ZFP36L1: variants seen among roughly 807,000 people sequenced by gnomAD.
ZFP36L1 encodes the protein ZFP36 like 1 zinc finger CCCH-type, also known as mRNA decay activator protein ZFP36L1.
Under a neutral mutation model 16.7 loss-of-function variants are expected in ZFP36L1, and 4 were observed. The ratio of observed to expected loss-of-function variants is 0.24; its 90% confidence interval spans 0.12 to 0.55. The LOEUF (loss-of-function observed/expected upper bound fraction) is 0.55, where lower values mean the gene tolerates loss of function less well. Among genes scored for constraint, ZFP36L1 ranks in the 20% least tolerant of loss-of-function variants. The probability of loss-of-function intolerance (pLI) is 0.94; values close to 1 mark genes in which losing one functional copy is unlikely to be tolerated. For synonymous variants in ZFP36L1, 220 were observed against 190.8 expected, an observed-to-expected ratio of 1.15 and a Z score of -1.26; for missense variants, 311 against 449.2, an observed-to-expected ratio of 0.69 and a Z score of 2.78.
In ZFP36L1 at chr14:68,789,822, A is replaced by G. The variant is rs928821903; in HGVS notation, c.728T>C (p.Leu243Pro). Residue 243 changes from leucine (L) to proline (P), a missense_variant, in exon 2 of 2, where the codon CTG (leucine) becomes CCG (proline). Coordinates refer to ENST00000439696, the MANE Select transcript of ZFP36L1 (RefSeq NM_004926.4). This position sits in a 1 kb window ranked among gnomAD's most constrained non-coding sequence, Gnocchi z 4.5. ...AAAAGGGTTATTGGTGCCATCGGGC[A>G]GGGTAGGTGAGCCCAGGAGGTCATC... is the stretch of plus-strand genomic sequence containing the variant. ...SADDLLGSPTLPDGTNNPFAF... is the reference protein window; with the variant it reads ...SADDLLGSPTPPDGTNNPFAF... The G allele has an allele frequency of 1.2e-6, 2 of 1,612,314 alleles. No individual in the cohort carries two copies. Among genetic ancestry groups the G allele is most frequent in the Non-Finnish European group, 8.5e-7 (1 of 1,179,982 alleles).
upstream of ZFP36L1, chr14:68,795,876 CG>C (rs1895239687): frequency 1.5e-6 from 1 of 648,334 alleles, no homozygotes; most frequent in African/African-American, 1.8e-5. Flanking sequence ...GCGTCCCCGC[CG>C]CGGTGAGGGC....
chr14:68,790,928 C>G, intron 1 of ZFP36L1: 1 of 587,916 alleles, frequency 1.7e-6, no homozygotes, highest in South Asian at 1.9e-5. Flanking sequence ...TCATAGGCTA[C>G]GTTAGGTCCC....
rs890180544 is a variant in ZFP36L1 at position 68,788,407 on chromosome 14, A to T, written c.*1126T>A. On this transcript the variant is annotated 3_prime_UTR_variant, in exon 2 of 2. Coordinates refer to ENST00000439696, the MANE Select transcript of ZFP36L1 (RefSeq NM_004926.4). ...ATATTGATGTGCAGTGACAAGCAAA[A>T]TTTTTGCTCTCCAATTTCTGAAAGT... 6.5e-6 allele frequency: 1 copy of T among 152,688 alleles called. No homozygotes were observed. The highest frequency in any genetic ancestry group is 2.4e-5 in the African/African-American group (1 of 41,420). The allele number at this position is 152,688 out of a possible 1,614,324, so 9.5% of individuals were successfully genotyped here.
upstream of ZFP36L1, chr14:68,794,359 G>A (rs1446620414): frequency 6.6e-6 from 1 of 152,218 alleles, no homozygotes; most frequent in Non-Finnish European, 1.5e-5. Flanking sequence ...AAACCGAAGG[G>A]CCCGCAATGG....
rs1397791968 is a variant in ZFP36L1, at chr14:68,788,619, T to C, written c.*914A>G. The C allele has an allele frequency of 1.1e-5, 1 of 89,284 alleles. No homozygotes were observed. 5.5% of individuals were successfully genotyped at this position (89,284 alleles called of 1,614,324 possible). ...TTTTTTTTTTTAGCTTTTCTCTCAT[T>C]TTTTTTTTGTTGTTATTTTTTTTAA... On this transcript the variant is annotated 3_prime_UTR_variant, in exon 2 of 2. Transcript: ENST00000439696.
chr14:68,790,607 A>G, intron 1 of ZFP36L1, 115 bp from the exon 2 acceptor site: 1 of 1,421,334 alleles, frequency 7.0e-7, no homozygotes, highest in Non-Finnish European at 9.6e-7. Context: ...ACTCATCTCT[A>G]CCTCGGCTCT....
intron 1 of ZFP36L1, among the ~76,000 whole-genome samples, chr14:68,791,667 G>A (rs1594717550): frequency 1.3e-5 from 2 of 151,634 alleles, no homozygotes; most frequent in South Asian, 4.2e-4. Context: ...GGGGGAGGGG[G>A]GCCAAAGAAA....
At chr14:68,791,285 T>C (rs1010586828) in intron 1 of ZFP36L1, 10 of 531,030 alleles carry the variant, frequency 1.9e-5, no homozygotes, top group Non-Finnish European at 3.3e-5. Flanking sequence ...AGAGCTCCAG[T>C]GTTTAATCTT....
At chr14:68,791,796 T>G (rs1441711949) in intron 1 of ZFP36L1, among the ~76,000 whole-genome samples, 1 of 152,150 alleles carries the variant, frequency 6.6e-6, no homozygotes, top group East Asian at 1.9e-4. Flanking sequence ...GCTGAAAAAT[T>G]CAAACTTTTT....
chr14:68,792,522 C>G (rs1895115393), intron 1 of ZFP36L1, among the ~76,000 whole-genome samples: 1 of 152,164 alleles, frequency 6.6e-6, no homozygotes, highest in African/African-American at 2.4e-5. Context: ...AGACTGGGAA[C>G]CCGATCAGAC....
In ZFP36L1 at chr14:68,789,887, G is replaced by C. The variant is rs758405640; in HGVS notation, c.663C>G (p.Asp221Glu). The C allele has an allele frequency of 6.2e-7, 1 of 1,610,398 alleles. No individual in the cohort carries two copies. Among genetic ancestry groups the C allele is most frequent in the South Asian group, 1.1e-5 (1 of 91,084 alleles). Residue 221 changes from aspartate to glutamate, a missense_variant, in exon 2 of 2, where the codon GAC becomes GAG. Transcript: ENST00000439696. The surrounding 1 kb of genome is among the most constrained non-coding windows in gnomAD (Gnocchi z 4.5). Reference protein sequence around the residue: ...AATAAATGLLDSPTSITPPPI... With the variant: ...AATAAATGLLESPTSITPPPI... Reference sequence around the variant, plus strand: ...GGGGTGGGGTGATGGACGTGGGGCTGTCCAGCAGCCCGGTGGCAGCGGCGG... The same window carrying C: ...GGGGTGGGGTGATGGACGTGGGGCTCTCCAGCAGCCCGGTGGCAGCGGCGG...
rs1444543804 is a variant in ZFP36L1, at chr14:68,789,531, G to A, written c.*2C>T. On this transcript the variant is annotated 3_prime_UTR_variant, in exon 2 of 2. Coordinates refer to ENST00000439696, the MANE Select transcript of ZFP36L1 (RefSeq NM_004926.4). This position sits in a 1 kb window ranked among gnomAD's most constrained non-coding sequence, Gnocchi z 4.5. ...AGGCAGGAGGTCCCTCCCTACCCTG[G>A]CTTAGTCATCTGAGATGGAAAGTCT... 6.2e-7 allele frequency: 1 copy of A among 1,613,174 alleles called. No individual in the cohort carries two copies. Among genetic ancestry groups the A allele is most frequent in the African/African-American group, 1.3e-5 (1 of 74,862 alleles).
chr14:68,793,429 C>T, upstream of ZFP36L1: 1 of 996,404 alleles, frequency 1.0e-6, no homozygotes, highest in Non-Finnish European at 1.2e-6. Context: ...GAGGGGCGCG[C>T]CCCCTCCTTT....
chr14:68,794,053 C>T (rs913287707), upstream of ZFP36L1: 95 of 537,900 alleles, frequency 1.8e-4, no homozygotes, highest in Middle Eastern at 9.1e-4. Context: ...CTAATCCTTC[C>T]TGAATGCCCC....
At position 68,790,311 on chromosome 14, in the gene ZFP36L1, C is replaced by G. The variant is rs780636193; in HGVS notation, c.239G>C (p.Ser80Thr). Residue 80 changes from serine (S) to threonine (T), a missense_variant, in exon 2 of 2, where the codon AGC becomes ACC. By Grantham distance (58) the Ser-to-Thr change is moderately conservative (BLOSUM62 1). Coordinates refer to ENST00000439696, the MANE Select transcript of ZFP36L1 (RefSeq NM_004926.4). The stretch of plus-strand genomic sequence containing the variant: ...GTCTCGGAAGCGGCTGTCTCGCGAG[C>G]TCAGAGCGGGGGCTGGCTCACCCTT... ...SLKGEPAPAL[S>T]SRDSRFRDRS... is the part of the protein sequence containing the mutation. 1 of 1,610,006 alleles carries G rather than the reference C, an allele frequency of 6.2e-7. No individual in the cohort carries two copies. The highest frequency in any genetic ancestry group is 1.1e-5 in the South Asian group (1 of 91,042).
At chr14:68,793,444 G>A, upstream of ZFP36L1, 2 of 994,578 alleles carry the variant, frequency 2.0e-6, no homozygotes, top group Non-Finnish European at 2.4e-6. Context: ...TCCTTTGTCA[G>A]CCTCAGAGCG....
At position 68,790,112 on chromosome 14, in the gene ZFP36L1, G is replaced by A. The variant is rs1432720185; in HGVS notation, c.438C>T (p.Ser146=). 1.9e-6 allele frequency: 3 copies of A among 1,610,796 alleles called. No individual in the cohort carries two copies. Among genetic ancestry groups the A allele is most frequent in the African/African-American group, 1.3e-5 (1 of 74,842 alleles). Residue 146 remains serine, a synonymous_variant, in exon 2 of 2, where the codon AGC becomes AGT. Coordinates refer to ENST00000439696, the MANE Select transcript of ZFP36L1 (RefSeq NM_004926.4). The part of the protein sequence containing the change: ...QFAHGIHELR[S]LTRHPKYKTE... ...TCTTGTACTTGGGGTGGCGGGTCAG[G>A]CTGCGGAGCTCGTGGATGCCGTGTG...
At position 68,789,376 on chromosome 14, in the gene ZFP36L1, G is replaced by A. The variant is rs541407521; in HGVS notation, c.*157C>T. 6 of 1,104,258 alleles carry A rather than the reference G, an allele frequency of 5.4e-6. No homozygotes were observed. In the African/African-American group the frequency reaches 9.4e-5, roughly 17 times the overall value. 68.4% of individuals were successfully genotyped at this position (1,104,258 alleles called of 1,614,324 possible). On this transcript the variant is annotated 3_prime_UTR_variant, in exon 2 of 2. Coordinates refer to ENST00000439696, the MANE Select transcript of ZFP36L1 (RefSeq NM_004926.4). This position sits in a 1 kb window ranked among gnomAD's most constrained non-coding sequence, Gnocchi z 4.5. ...ATGTTAGGTGGGGTTATGAGGGGGA[G>A]AGGGAGGGCACATTCTGAGGTGCTG...
At chr14:68,794,368 G>A (rs1895192836), upstream of ZFP36L1, 2 of 152,218 alleles carry the variant, frequency 1.3e-5, no homozygotes, top group Non-Finnish European at 2.9e-5. Flanking sequence ...GGCCCGCAAT[G>A]GAGCATGACT....
Sources: allele counts gnomAD v4.1 joint callset (sites outside exome capture counted in the v4.1 genomes callset), GRCh38; gene constraint gnomAD v4.1.1; non-coding constraint Gnocchi (gnomAD v3.1); transcripts MANE v1.5; gene names NCBI Gene and HGNC (gene_info 2026-07-23, HGNC 2026-07-21).